DNAH1: variants seen among roughly 807,000 people sequenced by gnomAD.
DNAH1 encodes dynein axonemal heavy chain 1, also known as axonemal beta dynein heavy chain 1.
Under a neutral mutation model 484.3 loss-of-function variants are expected in DNAH1, and 327 were observed. The observed-to-expected ratio is 0.68, with a 90% CI of 0.62 to 0.74. DNAH1 has a LOEUF of 0.74. Among genes scored for constraint, DNAH1 ranks in the 30% least tolerant of loss-of-function variants. The probability of loss-of-function intolerance (pLI) is 0.00; values close to 1 mark genes in which losing one functional copy is unlikely to be tolerated. For synonymous variants in DNAH1, 2,192 were observed against 2,191.9 expected (o/e 1.00, Z 0.00); for missense variants, 5,052 against 5,546.8 (o/e 0.91, Z 2.83).
rs781558339 is a variant in DNAH1, at chr3:52,375,952, T to C, written c.7160-3T>C. ...GCCCCGTGTTTCTCCCTCCATCCTC[T>C]AGATGGACTCCTTGGAGAAAAAAGC... On this transcript the variant is annotated splice_region_variant and splice_polypyrimidine_tract_variant and intron_variant, in intron 45 of 77. Transcript: ENST00000420323. 3.1e-6 allele frequency: 5 copies of C among 1,612,356 alleles called. No individual in the cohort carries two copies. The Admixed American group carries it at 8.4e-5, about 27-fold the overall frequency.
At position 52,388,822 on chromosome 3, in the gene DNAH1, C is replaced by T. The variant is rs762921161; in HGVS notation, c.9380C>T (p.Ser3127Leu). Residue 3127 changes from serine to leucine, a missense_variant, in exon 59 of 78, where the codon TCG becomes TTG. By Grantham distance (145) the Ser-to-Leu change is moderately radical. This residue lies in a region of DNAH1 where 2,929 missense variants were observed against 3,409.4 expected (regional missense o/e 0.86). Transcript: ENST00000420323. ...GRAGKLINGL[S>L]DEKVRWQETV... Reference sequence around the variant, plus strand: ...CCCCTCCAGCTCATCAACGGGCTGTCGGATGAGAAGGTGCGCTGGCAGGAG... The same window carrying T: ...CCCCTCCAGCTCATCAACGGGCTGTTGGATGAGAAGGTGCGCTGGCAGGAG... 18 of 1,613,460 alleles carry T rather than the reference C, an allele frequency of 1.1e-5. No homozygotes were observed. Among genetic ancestry groups the T allele is most frequent in the African/African-American group, 2.7e-5 (2 of 74,942 alleles).
At position 52,358,672 on chromosome 3, in the gene DNAH1, G is replaced by A; in HGVS notation, c.4201G>A (p.Val1401Met). 1.2e-6 allele frequency: 2 copies of A among 1,613,138 alleles called. No individual in the cohort carries two copies. The highest frequency in any genetic ancestry group is 1.7e-6 in the Non-Finnish European group (2 of 1,179,766). The stretch of plus-strand genomic sequence containing the variant: ...CAACGTGGAGGACTGGCTGCGGGAG[G>A]TGGAGCGCAGCATGAAGGCCAGTGT... ...SSNVEDWLRE[V>M]ERSMKASVHD... The change falls in exon 25 of 78, where the codon GTG becomes ATG. Residue 1401 changes from valine to methionine, a missense_variant. Physicochemically the swap from Val to Met is conservative, Grantham distance 21. Coordinates refer to ENST00000420323, the MANE Select transcript of DNAH1 (RefSeq NM_015512.5). This position sits in a 1 kb window ranked among gnomAD's most constrained non-coding sequence, Gnocchi z 4.2.
Position 52,381,773 on chromosome 3 carries a change from A to G in DNAH1, c.7742A>G (p.Asn2581Ser), listed in dbSNP as rs200839854. 1.1e-3 allele frequency: 1,752 copies of G among 1,606,410 alleles called. 4 individuals carry two copies. The highest frequency in any genetic ancestry group is 2.2e-3 in the South Asian group (197 of 89,216). ...CGCACCCTACGCCAGGCGCTGGGCAATGCACTCCTGCTGGGCGTGGGTGGC... is the reference window on the plus strand; with the variant it reads ...CGCACCCTACGCCAGGCGCTGGGCAGTGCACTCCTGCTGGGCGTGGGTGGC... ...ISRTLRQALG[N>S]ALLLGVGGSG... Residue 2581 changes from asparagine (N) to serine (S), a missense_variant, in exon 49 of 78, where the codon AAT becomes AGT. Around this residue, in one of 4 missense-constraint regions of DNAH1, gnomAD observed 2,929 missense variants for 3,409.4 expected, o/e 0.86. Coordinates refer to ENST00000420323, the MANE Select transcript of DNAH1 (RefSeq NM_015512.5). This position sits in a 1 kb window ranked among gnomAD's most constrained non-coding sequence, Gnocchi z 4.1.
At position 52,349,437 on chromosome 3, in the gene DNAH1, C is replaced by A; in HGVS notation, c.2526+17C>A. On this transcript the variant is annotated intron_variant, in intron 14 of 77. Transcript: ENST00000420323. ...GTGGATAGCGTAAGTGCCCACCTGC[C>A]CCGCCTCAGTGACCACAGCAGCACA... The A allele has an allele frequency of 6.2e-7, 1 of 1,608,814 alleles. No homozygotes were observed. The highest frequency in any genetic ancestry group is 1.1e-5 in the South Asian group (1 of 90,848).
chr3:52,316,008 G>T (rs943491301), upstream of DNAH1, among the ~76,000 whole-genome samples: 12 of 152,130 alleles, frequency 7.9e-5, no homozygotes, highest in Non-Finnish European at 1.6e-4. Context: ...TTCTCCAGTT[G>T]GGAGAAACAG....
intron 46 of DNAH1, 21 bp downstream of exon 46, chr3:52,376,014 G>A: frequency 6.2e-7 from 1 of 1,609,730 alleles, no homozygotes; most frequent in Admixed American, 1.7e-5. Flanking sequence ...GCCTGGGCGG[G>A]AATGGGGCAC....
Position 52,358,423 on chromosome 3 carries a change from C to T in DNAH1, c.4087-135C>T, listed in dbSNP as rs1257518004. 1 of 1,008,382 alleles carries T rather than the reference C, an allele frequency of 9.9e-7. No individual in the cohort carries two copies. Among genetic ancestry groups the T allele is most frequent in the Non-Finnish European group, 1.4e-6 (1 of 707,074 alleles). The allele number at this position is 1,008,382 out of a possible 1,614,324, so 62.5% of individuals were successfully genotyped here. Reference sequence around the variant, plus strand: ...CCTGGGAAGGCCCAGCCAAGATAGACTCTCGGGGGGACGGGAAGGCAGGGC... The same window carrying T: ...CCTGGGAAGGCCCAGCCAAGATAGATTCTCGGGGGGACGGGAAGGCAGGGC... On this transcript the variant is annotated intron_variant, in intron 24 of 77. Coordinates refer to ENST00000420323, the MANE Select transcript of DNAH1 (RefSeq NM_015512.5). This position sits in a 1 kb window ranked among gnomAD's most constrained non-coding sequence, Gnocchi z 4.2.
At chr3:52,383,744 C>T in intron 51 of DNAH1, 116 bp from the exon 52 acceptor site, 1 of 1,412,328 alleles carries the variant, frequency 7.1e-7, no homozygotes, top group Non-Finnish European at 9.4e-7. Context: ...GCCCAGGCTG[C>T]TGTGCTGCTG....
At position 52,346,521 on chromosome 3, in the gene DNAH1, T is replaced by A; in HGVS notation, c.1706T>A (p.Met569Lys). The A allele has an allele frequency of 1.2e-6, 2 of 1,613,664 alleles. No individual in the cohort carries two copies. Among genetic ancestry groups the A allele is most frequent in the Non-Finnish European group, 1.7e-6 (2 of 1,179,730 alleles). Residue 569 changes from methionine (M) to lysine (K), a missense_variant, in exon 11 of 78, where the codon ATG becomes AAG. Physicochemically the swap from Met to Lys is moderately conservative, Grantham distance 95. Around this residue, in one of 4 missense-constraint regions of DNAH1, gnomAD observed 1,263 missense variants for 1,218.8 expected, o/e 1.04. Transcript: ENST00000420323. ...DSWISSLKVA[M>K]RSSLRDMSKG... is the part of the protein sequence containing the mutation. ...TGGATCAGCTCGCTAAAGGTGGCCA[T>A]GCGCAGCAGCCTGCGCGACATGAGC...
intron 75 of DNAH1, among the ~76,000 whole-genome samples, chr3:52,398,623 A>T (rs1353607030): frequency 2.0e-5 from 3 of 152,210 alleles, no homozygotes; most frequent in Non-Finnish European, 2.9e-5. Flanking sequence ...CATTTTGTAG[A>T]CGAGTAAACT....
chr3:52,335,077 G>A (rs1247467253), intron 8 of DNAH1, among the ~76,000 whole-genome samples: 6 of 150,354 alleles, frequency 4.0e-5, no homozygotes, highest in African/African-American at 1.5e-4. Flanking sequence ...TGGGATTACA[G>A]GCATGATCTA....
chr3:52,347,171 A>G (rs1702178453), intron 11 of DNAH1, among the ~76,000 whole-genome samples: 1 of 149,742 alleles, frequency 6.7e-6, no homozygotes, highest in Non-Finnish European at 1.5e-5. Flanking sequence ...AGGAGGTGGC[A>G]TCTGTGCCAA....
intron 47 of DNAH1, 124 bp downstream of exon 47, chr3:52,378,904 G>T: frequency 7.8e-7 from 1 of 1,279,392 alleles, no homozygotes; most frequent in Non-Finnish European, 1.1e-6. Context: ...ACATGGAGGT[G>T]CCAGGCCCTC....
Position 52,363,032 on chromosome 3 carries a change from A to G in DNAH1, c.5132A>G (p.Tyr1711Cys). The G allele has an allele frequency of 1.2e-6, 2 of 1,613,996 alleles. No individual in the cohort carries two copies. Among genetic ancestry groups the G allele is most frequent in the Non-Finnish European group, 1.7e-6 (2 of 1,179,876 alleles). ...FRPVAMMVPD[Y>C]AMITEISLYS... ...CCCGTGGCCATGATGGTTCCAGATT[A>G]CGCCATGATCACTGAGATCTCCCTC... Residue 1711 changes from tyrosine (Y) to cysteine (C), a missense_variant, in exon 32 of 78, where the codon TAC becomes TGC. By Grantham distance (194) the Tyr-to-Cys change is radical. Around this residue, in one of 4 missense-constraint regions of DNAH1, gnomAD observed 2,929 missense variants for 3,409.4 expected, o/e 0.86. Coordinates refer to ENST00000420323, the MANE Select transcript of DNAH1 (RefSeq NM_015512.5).
intron 35 of DNAH1, 63 bp downstream of exon 35, chr3:52,366,611 C>T: frequency 6.4e-7 from 1 of 1,556,466 alleles, no homozygotes; most frequent in East Asian, 2.4e-5. Context: ...GGTGCAGCTT[C>T]AACAGGGGTT....
intron 1 of DNAH1, among the ~76,000 whole-genome samples, chr3:52,319,655 C>T (rs1559482572): frequency 6.6e-6 from 1 of 152,232 alleles, no homozygotes; most frequent in Non-Finnish European, 1.5e-5. Flanking sequence ...CTGCCAGTCA[C>T]ACTCATTCCC....
rs1403280845 is a variant in DNAH1, at chr3:52,322,784, G to A, written c.333+9G>A. 1.9e-6 allele frequency: 3 copies of A among 1,586,150 alleles called. No homozygotes were observed. In the African/African-American group the frequency reaches 4.0e-5, roughly 21 times the overall value. On this transcript the variant is annotated intron_variant, in intron 2 of 77. Transcript: ENST00000420323. ...CCTTAGATCAACTTGGGGTGAGTAT[G>A]GCAGCCATCCCCTACCAAGCCTCAA...
chr3:52,322,830 C>T, intron 2 of DNAH1, 55 bp downstream of exon 2: 1 of 1,449,174 alleles, frequency 6.9e-7, no homozygotes, highest in East Asian at 2.5e-5. Flanking sequence ...GGGCTCCGTT[C>T]ACCCATCCTT....
chr3:52,364,071 G>A lies in DNAH1; in HGVS notation c.5245-567G>A, dbSNP rs539694889. ...AGCCTCTTCATGCAGCTCCAAGTCC[G>A]AGATTTCTGGAACATATGCTAGTCT... is the stretch of plus-strand genomic sequence containing the variant. On this transcript the variant is annotated intron_variant, in intron 32 of 77. Coordinates refer to ENST00000420323, the MANE Select transcript of DNAH1 (RefSeq NM_015512.5). The surrounding 1 kb of genome is among the most constrained non-coding windows in gnomAD (Gnocchi z 4.2). 1.3e-4 allele frequency among the ~76,000 whole-genome samples: 20 copies of A among 152,318 alleles called. No homozygotes were observed. Among genetic ancestry groups the A allele is most frequent in the African/African-American group, 4.6e-4 (19 of 41,550 alleles).
Sources: allele counts gnomAD v4.1 joint callset (sites outside exome capture counted in the v4.1 genomes callset), GRCh38; gene constraint gnomAD v4.1.1; regional missense constraint gnomAD v4.1.1; non-coding constraint Gnocchi (gnomAD v3.1); transcripts MANE v1.5; gene names NCBI Gene and HGNC (gene_info 2026-07-23, HGNC 2026-07-21).